KCNMA1: variants seen among roughly 807,000 people sequenced by gnomAD.
The protein encoded by KCNMA1 is potassium calcium-activated channel subfamily M alpha 1.
In KCNMA1, 29 loss-of-function variants were observed where a neutral mutation model predicts 140.0. The ratio of observed to expected loss-of-function variants is 0.21; its 90% CI spans 0.15 to 0.28. The LOEUF (loss-of-function observed/expected upper bound fraction) is 0.28. Ranked by LOEUF, KCNMA1 falls within the 10% of genes least tolerant of loss-of-function variation. The pLI, the probability that KCNMA1 is intolerant of heterozygous loss-of-function variation, is 1.00. For missense variants in KCNMA1, 880 were observed against 1,602.2 expected (o/e 0.55, Z 7.70); for synonymous variants, 612 against 611.9 (o/e 1.00, Z 0.00).
In KCNMA1 at chr10:77,559,561, A is replaced by T. The variant is rs146295523; in HGVS notation, c.378+77704T>A. 1.1e-3 allele frequency among the ~76,000 whole-genome samples: 164 copies of T among 152,322 alleles called. 1 individual carries two copies. The highest frequency in any genetic ancestry group is 3.8e-3 in the African/African-American group (158 of 41,572). ...CACCACCAGCTGTCCTCCACTGGGC[A>T]AGAAGGTGTCACCCCCAGCTCTCCT... On this transcript the variant is annotated intron_variant, in intron 1 of 27. Coordinates refer to ENST00000286628, the MANE Select transcript of KCNMA1 (RefSeq NM_001161352.2).
intron 25 of KCNMA1, among the ~76,000 whole-genome samples, chr10:76,893,206 G>T (rs1043995646): frequency 6.6e-6 from 1 of 152,106 alleles, no homozygotes; most frequent in African/African-American, 2.4e-5. Flanking sequence ...ATAGAAGGCT[G>T]TGGGGCTCTA....
At chr10:77,506,930 T>A (rs2046358340) in intron 1 of KCNMA1, among the ~76,000 whole-genome samples, 1 of 151,756 alleles carries the variant, frequency 6.6e-6, no homozygotes, top group African/African-American at 2.4e-5. Context: ...AAGACAGATG[T>A]TCCTATGAAG....
At chr10:77,619,323 TC>T (rs2090624517) in intron 1 of KCNMA1, among the ~76,000 whole-genome samples, 1 of 146,106 alleles carries the variant, frequency 6.8e-6, no homozygotes, top group African/African-American at 2.6e-5. Context: ...TGTCTCTCTC[TC>T]TCTCTCTCTC....
intron 1 of KCNMA1, among the ~76,000 whole-genome samples, chr10:77,417,869 T>C (rs983620523): frequency 1.3e-5 from 2 of 152,170 alleles, no homozygotes; most frequent in African/African-American, 4.8e-5. Flanking sequence ...AGACAGACTT[T>C]GGGAGGCAGA....
Position 77,614,068 on chromosome 10 carries a change from G to A in KCNMA1, c.378+23197C>T, listed in dbSNP as rs1464220319. On this transcript the variant is annotated intron_variant, in intron 1 of 27. Transcript: ENST00000286628. ...CCTACCACTGCCCAGGCCTGGGTGG[G>A]TGTCTAGTCTACTTGGAGCCTGGGA... Among the ~76,000 whole-genome samples the A allele has an allele frequency of 2.0e-5, 3 of 152,172 alleles. No homozygotes were observed. In the East Asian group the frequency reaches 5.8e-4, roughly 29 times the overall value.
chr10:76,969,721 G>A (rs2075438615), intron 20 of KCNMA1, among the ~76,000 whole-genome samples: 1 of 152,214 alleles, frequency 6.6e-6, no homozygotes, highest in Non-Finnish European at 1.5e-5. Flanking sequence ...AGACTTTAAA[G>A]CCTATGTATT....
intron 2 of KCNMA1, among the ~76,000 whole-genome samples, chr10:77,370,683 C>G (rs1414167015): frequency 6.6e-6 from 1 of 152,162 alleles, no homozygotes; most frequent in Non-Finnish European, 1.5e-5. Flanking sequence ...TGGTAGATGA[C>G]CTATCCAAGT....
chr10:77,397,081 T>C (rs904711887), intron 2 of KCNMA1, among the ~76,000 whole-genome samples: 1 of 152,064 alleles, frequency 6.6e-6, no homozygotes, highest in Non-Finnish European at 1.5e-5. Flanking sequence ...GAGATCAACA[T>C]GGAAATGAAT....
At chr10:77,616,052 C>T (rs898046814) in intron 1 of KCNMA1, among the ~76,000 whole-genome samples, 17 of 152,216 alleles carry the variant, frequency 1.1e-4, no homozygotes, top group Admixed American at 1.3e-4. Flanking sequence ...GCCACAACCA[C>T]CAAGCTAATG....
At chr10:77,326,960 G>A (rs1327804257) in intron 2 of KCNMA1, among the ~76,000 whole-genome samples, 2 of 152,070 alleles carry the variant, frequency 1.3e-5, no homozygotes, top group East Asian at 3.9e-4. Flanking sequence ...TCCCTCCCCA[G>A]TATACCTGGG....
chr10:76,951,441 C>A (rs1028474340), intron 21 of KCNMA1, among the ~76,000 whole-genome samples: 2 of 152,210 alleles, frequency 1.3e-5, no homozygotes, highest in Admixed American at 1.3e-4. Context: ...TAAACACACC[C>A]TAGTCCTTCT....
chr10:77,391,898 C>A (rs1421848125), intron 2 of KCNMA1, among the ~76,000 whole-genome samples: 1 of 151,690 alleles, frequency 6.6e-6, no homozygotes, highest in African/African-American at 2.4e-5. Flanking sequence ...CCCTGCTAAA[C>A]AAACTTTCTC....
chr10:77,242,038 C>T (rs2057399261), intron 3 of KCNMA1, among the ~76,000 whole-genome samples: 3 of 152,092 alleles, frequency 2.0e-5, no homozygotes, highest in Non-Finnish European at 4.4e-5. Flanking sequence ...GCGAGCAGCA[C>T]AAGCTCATTT....
At chr10:77,635,965 C>CCAGG (rs2093686096) in intron 1 of KCNMA1, 1 of 173,844 alleles carries the variant, frequency 5.8e-6, no homozygotes, top group African/African-American at 2.4e-5. Context: ...ACCCATAGCC[C>CCAGG]CAGGCTTCCC....
chr10:77,620,694 T>C (rs1324616599), intron 1 of KCNMA1, among the ~76,000 whole-genome samples: 2 of 152,222 alleles, frequency 1.3e-5, no homozygotes, highest in African/African-American at 2.4e-5. Context: ...CCACTCCCTC[T>C]ACGGCCAGTT....
chr10:77,114,138 C>T (rs181608951), intron 6 of KCNMA1, among the ~76,000 whole-genome samples: 24 of 152,168 alleles, frequency 1.6e-4, no homozygotes, highest in African/African-American at 5.1e-4. Context: ...AGTGAGGCCC[C>T]GAGACTGCAG....
Position 77,077,439 on chromosome 10 carries a change from T to C in KCNMA1, c.1593+2042A>G, listed in dbSNP as rs554894348. ...ACAACACAGAGGTTTGCCAAACACA[T>C]TCAGGTTGCTATGATCATGTGATTA... is the stretch of plus-strand genomic sequence containing the variant. On this transcript the variant is annotated intron_variant, in intron 13 of 27. Coordinates refer to ENST00000286628, the MANE Select transcript of KCNMA1 (RefSeq NM_001161352.2). 8.3e-4 allele frequency among the ~76,000 whole-genome samples: 127 copies of C among 152,322 alleles called. 1 individual carries two copies. The highest frequency in any genetic ancestry group is 6.9e-3 in the Admixed American group (106 of 15,304).
intron 1 of KCNMA1, among the ~76,000 whole-genome samples, chr10:77,509,789 TA>T (rs2047683311): frequency 6.6e-6 from 1 of 152,204 alleles, no homozygotes; most frequent in Admixed American, 6.5e-5. Flanking sequence ...CGTTATGTTT[TA>T]AAACTGTGCT....
intron 23 of KCNMA1, among the ~76,000 whole-genome samples, chr10:76,938,550 C>T (rs1485314182): frequency 6.6e-6 from 1 of 152,202 alleles, no homozygotes; most frequent in Non-Finnish European, 1.5e-5. Flanking sequence ...GATCCATCTC[C>T]CTAAAGCTCA....
Sources: gnomAD v4.1 joint callset for allele counts (sites outside exome capture counted in the v4.1 genomes callset) on GRCh38, gnomAD v4.1.1 for gene constraint, MANE v1.5 for transcripts, NCBI Gene and HGNC (gene_info 2026-07-23, HGNC 2026-07-21) for gene names.